The following LINGO2 variants were observed in gnomAD, a reference collection of about 807,000 sequenced individuals.
LINGO2 encodes the protein leucine-rich repeat and immunoglobulin-like domain-containing nogo receptor-interacting protein 2.
A neutral mutation model predicts 30.6 loss-of-function variants in LINGO2; 14 were observed. The observed-to-expected ratio is 0.46, with a 90% CI of 0.30 to 0.72. The LOEUF (loss-of-function observed/expected upper bound fraction) is 0.72, where lower values mean the gene tolerates loss of function less well. Ranked by LOEUF, LINGO2 falls within the 30% of genes least tolerant of loss-of-function variation. The pLI, the probability that LINGO2 is intolerant of heterozygous loss-of-function variation, is 0.07. For synonymous variants in LINGO2, 317 were observed against 288.5 expected (o/e 1.10, Z -1.00); for missense variants, 729 against 751.7 (o/e 0.97, Z 0.35).
chr9:28,892,734 A>T, the LINGO2 span, among the ~76,000 whole-genome samples: 1 of 152,120 alleles, frequency 6.6e-6, no homozygotes, highest in African/African-American at 2.4e-5. Flanking sequence ...TCAAGTTTCT[A>T]TTCTGAGTCA....
chr9:28,493,121 G>T (rs568082752), intron 1 of LINGO2, among the ~76,000 whole-genome samples: 5 of 151,992 alleles, frequency 3.3e-5, no homozygotes, highest in African/African-American at 7.2e-5. Flanking sequence ...AGTTTGTGGC[G>T]TTTGTCCTAT....
the LINGO2 span, among the ~76,000 whole-genome samples, chr9:29,108,363 A>C: frequency 5.3e-5 from 8 of 152,272 alleles, no homozygotes; most frequent in African/African-American, 1.9e-4. Flanking sequence ...TCCAAGTATT[A>C]AAATAAATCA....
At chr9:29,028,424 G>GT in the LINGO2 span, among the ~76,000 whole-genome samples, 12 of 87,150 alleles carry the variant, frequency 1.4e-4, 1 homozygote, top group South Asian at 7.8e-4. Flanking sequence ...GTGTGTGGGG[G>GT]GGGGTGAGAG....
intron 4 of LINGO2, among the ~76,000 whole-genome samples, chr9:28,053,623 T>C (rs1563946085): frequency 6.6e-6 from 1 of 152,030 alleles, no homozygotes; most frequent in Non-Finnish European, 1.5e-5. Context: ...ATTAGATGAG[T>C]GGTTCTTAGC....
the LINGO2 span, among the ~76,000 whole-genome samples, chr9:28,921,351 C>T: frequency 1.3e-5 from 2 of 152,026 alleles, no homozygotes; most frequent in Non-Finnish European, 2.9e-5. Context: ...CCTGATTCCA[C>T]CCCCACCCCA....
the LINGO2 span, among the ~76,000 whole-genome samples, chr9:29,104,824 T>C: frequency 6.6e-6 from 1 of 152,196 alleles, no homozygotes; most frequent in Admixed American, 6.5e-5. Context: ...AATAATCTTA[T>C]GAAGGTCAAA....
At chr9:28,766,079 C>T in the LINGO2 span, among the ~76,000 whole-genome samples, 19 of 151,910 alleles carry the variant, frequency 1.3e-4, no homozygotes, top group African/African-American at 4.6e-4. Context: ...GCAACAAAAG[C>T]AAAAATAAAC....
intron 1 of LINGO2, among the ~76,000 whole-genome samples, chr9:28,628,731 A>G (rs1246968783): frequency 4.6e-5 from 7 of 152,100 alleles, no homozygotes; most frequent in Admixed American, 6.6e-5. Flanking sequence ...ACTAAGCACA[A>G]TGTTTTATTT....
At chr9:29,034,565 T>A in the LINGO2 span, among the ~76,000 whole-genome samples, 1 of 152,274 alleles carries the variant, frequency 6.6e-6, no homozygotes, top group East Asian at 1.9e-4. Flanking sequence ...ACATTCCTAA[T>A]TTTATTTTAA....
chr9:28,940,706 C>T, the LINGO2 span, among the ~76,000 whole-genome samples: 3 of 152,216 alleles, frequency 2.0e-5, no homozygotes, highest in Admixed American at 2.0e-4. Flanking sequence ...CTTTGTGAAA[C>T]TCCAACTAGT....
intron 4 of LINGO2, among the ~76,000 whole-genome samples, chr9:28,096,490 C>T (rs1052257549): frequency 2.0e-5 from 3 of 152,168 alleles, no homozygotes; most frequent in African/African-American, 7.2e-5. Flanking sequence ...CTTCTTCTCA[C>T]AATTCCTTGG....
chr9:28,828,003 A>G, the LINGO2 span, among the ~76,000 whole-genome samples: 1 of 152,040 alleles, frequency 6.6e-6, no homozygotes, highest in African/African-American at 2.4e-5. Context: ...ATCTTGAAAA[A>G]TAACCAAAAC....
chr9:29,107,121 C>T, the LINGO2 span, among the ~76,000 whole-genome samples: 1 of 152,072 alleles, frequency 6.6e-6, no homozygotes, highest in Non-Finnish European at 1.5e-5. Context: ...TGTAACATCA[C>T]ATAAATAAAA....
chr9:28,405,213 G>T (rs1191203498), intron 2 of LINGO2, among the ~76,000 whole-genome samples: 2 of 152,030 alleles, frequency 1.3e-5, no homozygotes, highest in Non-Finnish European at 2.9e-5. Context: ...TACGTAACTT[G>T]TATATTTAAT....
intron 4 of LINGO2, among the ~76,000 whole-genome samples, chr9:28,255,944 G>A (rs746573403): frequency 6.6e-6 from 1 of 151,948 alleles, no homozygotes; most frequent in African/African-American, 2.4e-5. Flanking sequence ...CTTTTATTGT[G>A]GAAACTACAC....
At chr9:29,030,643 A>G in the LINGO2 span, among the ~76,000 whole-genome samples, 1 of 152,164 alleles carries the variant, frequency 6.6e-6, no homozygotes, top group Non-Finnish European at 1.5e-5. Context: ...TCATTCCATT[A>G]TATCAAGAAG....
At chr9:28,373,626 G>A (rs545139846) in intron 2 of LINGO2, among the ~76,000 whole-genome samples, 214 of 152,182 alleles carry the variant, frequency 1.4e-3, no homozygotes, top group Non-Finnish European at 2.6e-3. Flanking sequence ...CAGGCCGGGC[G>A]CAGTGGCTCA....
At chr9:28,622,795 C>T (rs951471140) in intron 1 of LINGO2, among the ~76,000 whole-genome samples, 3 of 151,462 alleles carry the variant, frequency 2.0e-5, no homozygotes, top group Admixed American at 2.0e-4. Flanking sequence ...TACTAATTTA[C>T]ATTTCCACCA....
chr9:29,006,361 T>C, the LINGO2 span, among the ~76,000 whole-genome samples: 1 of 151,938 alleles, frequency 6.6e-6, no homozygotes. Context: ...AAATTCTTGT[T>C]ATTATTTTCA....
Sources: allele counts gnomAD v4.1 joint callset (sites outside exome capture counted in the v4.1 genomes callset), GRCh38; gene constraint gnomAD v4.1.1; transcripts MANE v1.5; gene names NCBI Gene and HGNC (gene_info 2026-07-23, HGNC 2026-07-21).